The following ZYG11B variants were observed in gnomAD, a reference collection of about 807,000 sequenced individuals.
ZYG11B encodes the protein zyg-11 family member B, cell cycle regulator, also known as protein zyg-11 homolog B.
A neutral mutation model predicts 82.4 loss-of-function variants in ZYG11B; 36 were observed. The ratio of observed to expected loss-of-function variants is 0.44; its 90% CI spans 0.33 to 0.58. The LOEUF (loss-of-function observed/expected upper bound fraction) is 0.58. ZYG11B is among the 20% of genes least tolerant of loss of function. The probability of loss-of-function intolerance (pLI) is 0.02; values close to 1 mark genes in which losing one functional copy is unlikely to be tolerated. For synonymous variants in ZYG11B, 303 were observed against 312.8 expected (o/e 0.97, Z 0.33); for missense variants, 552 against 895.6 (o/e 0.62, Z 4.90).
At chr1:52,776,291 G>A (rs1473154823) in intron 3 of ZYG11B, among the ~76,000 whole-genome samples, 2 of 137,230 alleles carry the variant, frequency 1.5e-5, no homozygotes, top group African/African-American at 5.2e-5. Flanking sequence ...AGCACTTTGG[G>A]AGGCCAAGAC....
At chr1:52,800,627 G>A (rs760896680) in intron 8 of ZYG11B, among the ~76,000 whole-genome samples, 13 of 151,972 alleles carry the variant, frequency 8.6e-5, no homozygotes, top group Non-Finnish European at 1.5e-4. Flanking sequence ...TGGCCAACAT[G>A]GTGAAACGCC....
chr1:52,796,966 T>A (rs12046281), intron 8 of ZYG11B, among the ~76,000 whole-genome samples, 182 bp downstream of exon 8: 1 of 80,580 alleles, frequency 1.2e-5, no homozygotes, highest in African/African-American at 6.2e-5. Context: ...ATATTATATA[T>A]AATATATATA....
chr1:52,802,254 C>T (rs1256251393), intron 10 of ZYG11B, 115 bp downstream of exon 10: 15 of 870,972 alleles, frequency 1.7e-5, no homozygotes, highest in Admixed American at 2.7e-5. Context: ...ATCTAAGGCA[C>T]GGTCATTGCT....
intron 6 of ZYG11B, among the ~76,000 whole-genome samples, chr1:52,793,729 A>G (rs1260897185): frequency 1.3e-5 from 2 of 152,158 alleles, no homozygotes; most frequent in East Asian, 3.9e-4. Flanking sequence ...CTAATGAACA[A>G]TCTGCTTTGC....
chr1:52,781,892 A>G (rs1165175817), intron 4 of ZYG11B, among the ~76,000 whole-genome samples: 1 of 151,656 alleles, frequency 6.6e-6, no homozygotes, highest in East Asian at 1.9e-4. Flanking sequence ...CTCCTTTTAT[A>G]TATATCAGAG....
At chr1:52,759,827 T>A (rs1441451834) in intron 2 of ZYG11B, among the ~76,000 whole-genome samples, 1 of 152,198 alleles carries the variant, frequency 6.6e-6, no homozygotes, top group Non-Finnish European at 1.5e-5. Context: ...TTTTTATTTA[T>A]TGCTGTTACT....
chr1:52,814,498 T>G (rs1036916672), intron 12 of ZYG11B, among the ~76,000 whole-genome samples: 4 of 152,150 alleles, frequency 2.6e-5, no homozygotes, highest in African/African-American at 9.7e-5. Flanking sequence ...TATATCCTTG[T>G]GAGGGAGAGT....
intron 2 of ZYG11B, among the ~76,000 whole-genome samples, chr1:52,760,770 T>C (rs945096456): frequency 6.7e-6 from 1 of 149,200 alleles, no homozygotes; most frequent in Admixed American, 6.7e-5. Context: ...CTTTTTTTTT[T>C]TTTTTTTTTT....
At chr1:52,799,429 A>G (rs1451120810) in intron 8 of ZYG11B, among the ~76,000 whole-genome samples, 1 of 149,624 alleles carries the variant, frequency 6.7e-6, no homozygotes, top group African/African-American at 2.5e-5. Context: ...GGAGCTTCCA[A>G]TGAGCCGAGA....
intron 1 of ZYG11B, among the ~76,000 whole-genome samples, chr1:52,732,754 ACT>A (rs1644343883): frequency 6.6e-6 from 1 of 150,584 alleles, no homozygotes; most frequent in African/African-American, 2.4e-5. Flanking sequence ...ACAGAGCAAG[ACT>A]CTGTCTCAAA....
At chr1:52,745,486 T>TA (rs1293934750) in intron 1 of ZYG11B, among the ~76,000 whole-genome samples, 4 of 152,196 alleles carry the variant, frequency 2.6e-5, no homozygotes, top group African/African-American at 9.6e-5. Context: ...ACTTACTTCT[T>TA]ACTCAGTAGA....
intron 13 of ZYG11B, among the ~76,000 whole-genome samples, chr1:52,820,039 A>G (rs1645270023): frequency 2.0e-5 from 3 of 150,222 alleles, no homozygotes; most frequent in Non-Finnish European, 1.5e-5. Flanking sequence ...TCAGCCTTCC[A>G]AGTAGCTGGG....
At chr1:52,810,175 A>G (rs1331285988) in intron 10 of ZYG11B, among the ~76,000 whole-genome samples, 1 of 152,154 alleles carries the variant, frequency 6.6e-6, no homozygotes, top group Non-Finnish European at 1.5e-5. Flanking sequence ...TGCTACTGAA[A>G]CAAGACCTTC....
chr1:52,744,752 G>A (rs981697676), intron 1 of ZYG11B, among the ~76,000 whole-genome samples: 7 of 152,288 alleles, frequency 4.6e-5, no homozygotes, highest in East Asian at 1.9e-4. Flanking sequence ...TGAGGCAGGA[G>A]AATCTCTTGA....
At chr1:52,783,882 A>ATGTACATACACGTGTGGGTG (rs74208826) in intron 4 of ZYG11B, among the ~76,000 whole-genome samples, 3 of 126,012 alleles carry the variant, frequency 2.4e-5, no homozygotes, top group Admixed American at 7.9e-5. Flanking sequence ...ACGTGTGTGT[A>ATGTACATACACGTGTGGGTG]TATGTACATA....
chr1:52,750,004 A>G (rs1239385641), intron 1 of ZYG11B, among the ~76,000 whole-genome samples: 12 of 152,338 alleles, frequency 7.9e-5, no homozygotes. Flanking sequence ...GATCTTTGAA[A>G]TGTGGAGTTT....
chr1:52,726,627 C>T lies in ZYG11B; in HGVS notation c.-27C>T, dbSNP rs541693626. On this transcript the variant is annotated 5_prime_UTR_variant, in exon 1 of 14. Coordinates refer to ENST00000294353, the MANE Select transcript of ZYG11B (RefSeq NM_024646.3). ...CCTGGGGGCGGGCTCCGGTCCGGCC[C>T]GCCGCCGCACCCAGGACGGAGGCTG... 4.6e-4 allele frequency: 660 copies of T among 1,433,842 alleles called. 6 individuals carry two copies. The African/African-American group carries it at 8.9e-3, about 19-fold the overall frequency. The allele number at this position is 1,433,842 out of a possible 1,614,324, so 88.8% of individuals were successfully genotyped here. A position where few individuals can be genotyped will look rare whatever the true frequency, so the allele number is the denominator to read the frequency against.
intron 1 of ZYG11B, among the ~76,000 whole-genome samples, chr1:52,740,790 C>G (rs1426272976): frequency 6.6e-6 from 1 of 151,472 alleles, no homozygotes; most frequent in Non-Finnish European, 1.5e-5. Flanking sequence ...GTCTCCAACT[C>G]TTGGCCTCAA....
intron 13 of ZYG11B, among the ~76,000 whole-genome samples, chr1:52,820,699 GAAT>G (rs1645275340): frequency 1.1e-5 from 1 of 93,800 alleles, no homozygotes; most frequent in African/African-American, 4.6e-5. Flanking sequence ...CTGGGCAACA[GAAT>G]GAGACTGTCT....
Sources: allele counts gnomAD v4.1 joint callset (sites outside exome capture counted in the v4.1 genomes callset), GRCh38; gene constraint gnomAD v4.1.1; transcripts MANE v1.5; gene names NCBI Gene and HGNC (gene_info 2026-07-23, HGNC 2026-07-21).